MBNL2: variants seen among roughly 807,000 people sequenced by gnomAD.
MBNL2 encodes the protein muscleblind like splicing regulator 2, also known as muscleblind-like protein 2.
MBNL2 carries 17 observed loss-of-function variants against 41.9 expected under a neutral mutation model. The observed-to-expected ratio is 0.41, with a 90% CI of 0.28 to 0.61. The LOEUF is 0.61. MBNL2 is among the 20% of genes least tolerant of loss of function. MBNL2 has a pLI of 0.35. For synonymous variants in MBNL2, 195 were observed against 182.9 expected (o/e 1.07, Z -0.53); for missense variants, 336 against 505.6 (o/e 0.66, Z 3.22).
chr13:97,300,453 C>G (rs1252695862), intron 2 of MBNL2, among the ~76,000 whole-genome samples: 7 of 152,160 alleles, frequency 4.6e-5, no homozygotes, highest in African/African-American at 1.4e-4. Context: ...GCATTAGAGT[C>G]TCATAAGGAT....
the MBNL2 span, among the ~76,000 whole-genome samples, chr13:97,163,080 A>G: frequency 6.6e-6 from 1 of 152,168 alleles, no homozygotes; most frequent in Non-Finnish European, 1.5e-5. Flanking sequence ...CAACAACACC[A>G]ACAACAAAGA....
At chr13:97,256,600 A>G (rs887934213) in intron 1 of MBNL2, among the ~76,000 whole-genome samples, 2 of 152,198 alleles carry the variant, frequency 1.3e-5, no homozygotes, top group Non-Finnish European at 2.9e-5. Context: ...GTAATGTTGC[A>G]ATCTTCTTAC....
intron 8 of MBNL2, among the ~76,000 whole-genome samples, chr13:97,380,518 A>C (rs1299915330): frequency 6.6e-6 from 1 of 151,628 alleles, no homozygotes; most frequent in Admixed American, 6.6e-5. Flanking sequence ...ACAAAAAAAA[A>C]CCACACCCAC....
the MBNL2 span, among the ~76,000 whole-genome samples, chr13:97,188,218 C>T: frequency 6.6e-6 from 1 of 152,164 alleles, no homozygotes; most frequent in Non-Finnish European, 1.5e-5. Context: ...CCCATCACCA[C>T]TCCAGACCTT....
At chr13:97,204,251 G>A in the MBNL2 span, among the ~76,000 whole-genome samples, 2 of 152,236 alleles carry the variant, frequency 1.3e-5, no homozygotes, top group Non-Finnish European at 2.9e-5. Flanking sequence ...CCACTTTTAT[G>A]TGAAAGACTC....
At position 97,346,757 on chromosome 13, in the gene MBNL2, T is replaced by A. The variant is rs549253477; in HGVS notation, c.541-47T>A. 2.5e-6 allele frequency: 4 copies of A among 1,577,446 alleles called. No homozygotes were observed. The African/African-American group carries it at 4.1e-5, about 16-fold the overall frequency. On this transcript the variant is annotated intron_variant, in intron 4 of 8. Coordinates refer to ENST00000679496, the MANE Select transcript of MBNL2 (RefSeq NM_001382683.1). The surrounding 1 kb of genome is among the most constrained non-coding windows in gnomAD (Gnocchi z 4.2). ...CGGTGGCCGGGGCCGCAGGGGCGCC[T>A]GGGCTCAGGCTTGCCTCTGCAGCGC... is the stretch of plus-strand genomic sequence containing the variant.
chr13:97,198,009 T>C, the MBNL2 span, among the ~76,000 whole-genome samples: 1 of 152,310 alleles, frequency 6.6e-6, no homozygotes, highest in East Asian at 1.9e-4. Flanking sequence ...GAGCATCTCA[T>C]AGGCATCTCC....
At chr13:97,212,614 C>T in the MBNL2 span, among the ~76,000 whole-genome samples, 1 of 152,212 alleles carries the variant, frequency 6.6e-6, no homozygotes, top group Admixed American at 6.5e-5. Context: ...GCACCACCTG[C>T]CAGCTGTGCG....
intron 2 of MBNL2, among the ~76,000 whole-genome samples, chr13:97,276,840 G>C (rs2052249498): frequency 6.6e-6 from 1 of 150,666 alleles, no homozygotes; most frequent in Non-Finnish European, 1.5e-5. Context: ...CTTTGACCGA[G>C]TACTTCCTAA....
intron 8 of MBNL2, among the ~76,000 whole-genome samples, chr13:97,386,476 C>G (rs1295144900): frequency 1.3e-5 from 2 of 152,152 alleles, no homozygotes; most frequent in Admixed American, 1.3e-4. Flanking sequence ...GTTGCCACAC[C>G]CTCGACCTGG....
rs1285379214 is a variant in MBNL2 at position 97,252,738 on chromosome 13, TAACTG to T, written c.-604-22889_-604-22885del. ...TTTAGTTATCTCATTTCTGGCAACT[TAACTG>T]AACTCACTTTTTCCTTGTGAGAACT... On this transcript the variant is annotated intron_variant, in intron 1 of 8. Coordinates refer to ENST00000679496, the MANE Select transcript of MBNL2 (RefSeq NM_001382683.1). Among the ~76,000 whole-genome samples the T allele has an allele frequency of 1.8e-4, 27 of 152,312 alleles. 1 individual carries two copies. The highest frequency in any genetic ancestry group is 4.8e-4 in the African/African-American group (20 of 41,590).
At chr13:97,354,644 A>G (rs1194327963) in intron 5 of MBNL2, among the ~76,000 whole-genome samples, 1 of 152,258 alleles carries the variant, frequency 6.6e-6, no homozygotes, top group East Asian at 1.9e-4. Flanking sequence ...GAAGAAGAAT[A>G]TTAACCTTCC....
the MBNL2 span, among the ~76,000 whole-genome samples, chr13:97,166,833 T>TAGATAGATAGAA: frequency 6.3e-5 from 7 of 110,670 alleles, no homozygotes; most frequent in East Asian, 2.6e-4. Flanking sequence ...GATAGATAGA[T>TAGATAGATAGAA]AGATAGAAAG....
At chr13:97,336,070 T>C (rs1432693634) in intron 3 of MBNL2, among the ~76,000 whole-genome samples, 1 of 152,218 alleles carries the variant, frequency 6.6e-6, no homozygotes, top group African/African-American at 2.4e-5. Context: ...CTGACCCTGG[T>C]ACTCACTGGT....
At chr13:97,220,807 T>C (rs1210808215), upstream of MBNL2, among the ~76,000 whole-genome samples, 1 of 152,144 alleles carries the variant, frequency 6.6e-6, no homozygotes, top group African/African-American at 2.4e-5. Flanking sequence ...GTTTCAGGAA[T>C]GGGATTCATG....
the MBNL2 span, among the ~76,000 whole-genome samples, chr13:97,159,731 C>G: frequency 6.6e-6 from 1 of 151,532 alleles, no homozygotes; most frequent in Non-Finnish European, 1.5e-5. Context: ...GGCCCCCACT[C>G]TCTTCTGGCT....
At chr13:97,340,577 T>A (rs1458442823) in intron 3 of MBNL2, among the ~76,000 whole-genome samples, 3 of 152,206 alleles carry the variant, frequency 2.0e-5, no homozygotes, top group Non-Finnish European at 4.4e-5. Flanking sequence ...CGCCTTGTTC[T>A]GCCCAACCCT....
the MBNL2 span, among the ~76,000 whole-genome samples, chr13:97,211,392 A>G: frequency 6.6e-6 from 1 of 152,204 alleles, no homozygotes; most frequent in Non-Finnish European, 1.5e-5. Context: ...GTTGCAGGCA[A>G]AGCTGCAGCA....
chr13:97,144,787 T>C, the MBNL2 span, among the ~76,000 whole-genome samples: 1 of 151,960 alleles, frequency 6.6e-6, no homozygotes, highest in Non-Finnish European at 1.5e-5. Context: ...CGGCGGAGGA[T>C]GAGGAGGAAA....
Sources: allele counts gnomAD v4.1 joint callset (sites outside exome capture counted in the v4.1 genomes callset), GRCh38; gene constraint gnomAD v4.1.1; non-coding constraint Gnocchi (gnomAD v3.1); transcripts MANE v1.5; gene names NCBI Gene and HGNC (gene_info 2026-07-23, HGNC 2026-07-21).